Variants in DIAPH3 observed in about 807,000 individuals in gnomAD.
The protein encoded by DIAPH3 is protein diaphanous homolog 3.
Under a neutral mutation model 144.3 loss-of-function variants are expected in DIAPH3, and 117 were observed. The observed-to-expected ratio is 0.81, with a 90% CI of 0.70 to 0.95. The LOEUF (loss-of-function observed/expected upper bound fraction) is 0.95. DIAPH3 is among the 40% of genes least tolerant of loss of function. DIAPH3 has a pLI of 0.00. For missense variants in DIAPH3, 1,421 were observed against 1,412.7 expected, an observed-to-expected ratio of 1.01 and a Z score of -0.09; for synonymous variants, 519 against 488.9, an observed-to-expected ratio of 1.06 and a Z score of -0.81.
chr13:59,906,660 A>T (rs2046757250), intron 20 of DIAPH3, among the ~76,000 whole-genome samples: 2 of 152,218 alleles, frequency 1.3e-5, no homozygotes, highest in African/African-American at 4.8e-5. Context: ...GCACACAAAC[A>T]GGACATTTGT....
chr13:59,811,363 G>A (rs1566346358), intron 24 of DIAPH3, among the ~76,000 whole-genome samples: 3 of 152,092 alleles, frequency 2.0e-5, no homozygotes. Flanking sequence ...TAAAAGAAGT[G>A]AAATCTTGTA....
chr13:59,913,820 TG>T (rs1430756500), intron 19 of DIAPH3, among the ~76,000 whole-genome samples: 1 of 151,230 alleles, frequency 6.6e-6, no homozygotes, highest in Non-Finnish European at 1.5e-5. Flanking sequence ...TAGCTGGGAG[TG>T]GTGGCGGGTG....
At chr13:59,816,072 A>AT (rs1166908678) in intron 24 of DIAPH3, among the ~76,000 whole-genome samples, 1 of 151,794 alleles carries the variant, frequency 6.6e-6, no homozygotes, top group African/African-American at 2.4e-5. Flanking sequence ...AAATTTCACA[A>AT]TTTTTTTTCC....
At chr13:59,977,319 G>T (rs1397173029) in intron 14 of DIAPH3, among the ~76,000 whole-genome samples, 1 of 151,808 alleles carries the variant, frequency 6.6e-6, no homozygotes, top group Non-Finnish European at 1.5e-5. Flanking sequence ...GCATTTCAGC[G>T]TGTGGATGAA....
chr13:59,842,188 T>TTA lies in DIAPH3; in HGVS notation c.2738-2742_2738-2741dup, dbSNP rs531909506. 6.1e-3 allele frequency among the ~76,000 whole-genome samples: 930 copies of TTA among 151,834 alleles called. 13 individuals carry two copies. Among genetic ancestry groups the TTA allele is most frequent in the African/African-American group, 0.022 (893 of 41,460 alleles). ...TCTGGATGGACGGGTGAGTGTGCAG[T>TTA]TATATATATATAACTTTTTATATAT... On this transcript the variant is annotated intron_variant, in intron 22 of 27. Coordinates refer to ENST00000400324, the MANE Select transcript of DIAPH3 (RefSeq NM_001042517.2).
chr13:59,807,146 G>A (rs1036752847), intron 25 of DIAPH3, among the ~76,000 whole-genome samples: 2 of 151,842 alleles, frequency 1.3e-5, no homozygotes, highest in Non-Finnish European at 2.9e-5. Flanking sequence ...GGTAATAAGA[G>A]TTACTGTAAG....
At chr13:59,838,382 G>A (rs1206887292) in intron 23 of DIAPH3, 2 of 151,916 alleles carry the variant, frequency 1.3e-5, no homozygotes. Flanking sequence ...CAAGCCTCAT[G>A]CTATTAATTA....
At chr13:60,095,396 T>A (rs1270624806) in intron 3 of DIAPH3, among the ~76,000 whole-genome samples, 1 of 152,142 alleles carries the variant, frequency 6.6e-6, no homozygotes, top group East Asian at 1.9e-4. Context: ...GTAATTATAC[T>A]CACTTAAACT....
chr13:59,831,876 C>T (rs1408683688), intron 24 of DIAPH3, among the ~76,000 whole-genome samples: 1 of 151,770 alleles, frequency 6.6e-6, no homozygotes, highest in Non-Finnish European at 1.5e-5. Flanking sequence ...CTATGATAAA[C>T]ATTAAATATA....
At chr13:60,143,581 T>C (rs1045719415) in intron 1 of DIAPH3, among the ~76,000 whole-genome samples, 2 of 152,188 alleles carry the variant, frequency 1.3e-5, no homozygotes, top group Non-Finnish European at 2.9e-5. Flanking sequence ...AGCTCACTCA[T>C]TCTCAAGGAT....
At chr13:59,739,740 C>A (rs185381766) in intron 27 of DIAPH3, among the ~76,000 whole-genome samples, 1 of 151,960 alleles carries the variant, frequency 6.6e-6, no homozygotes, top group African/African-American at 2.4e-5. Flanking sequence ...TTTATCACAG[C>A]GCTACAGAGA....
rs75202401 is a variant in DIAPH3, at chr13:60,140,190, T to C, written c.181-7201A>G. 1.7e-4 allele frequency among the ~76,000 whole-genome samples: 26 copies of C among 152,344 alleles called. 1 individual carries two copies. The East Asian group carries it at 5.0e-3, about 29-fold the overall frequency. Reference sequence around the variant, plus strand: ...CCTGAGACTGACAGAGCATCACCCATTCTTTCACATATATTTGAGAAAGAT... The same window carrying C: ...CCTGAGACTGACAGAGCATCACCCACTCTTTCACATATATTTGAGAAAGAT... On this transcript the variant is annotated intron_variant, in intron 1 of 27. Coordinates refer to ENST00000400324, the MANE Select transcript of DIAPH3 (RefSeq NM_001042517.2).
At chr13:59,982,895 C>T (rs571527616) in intron 13 of DIAPH3, among the ~76,000 whole-genome samples, 2 of 151,564 alleles carry the variant, frequency 1.3e-5, no homozygotes, top group African/African-American at 2.4e-5. Context: ...AGGTTAATAA[C>T]ACCAGTGACA....
At chr13:60,110,339 G>C (rs2058533511) in intron 3 of DIAPH3, among the ~76,000 whole-genome samples, 1 of 152,156 alleles carries the variant, frequency 6.6e-6, no homozygotes, top group Non-Finnish European at 1.5e-5. Context: ...ATTCAATGTT[G>C]CTTTCTCAAG....
intron 20 of DIAPH3, among the ~76,000 whole-genome samples, chr13:59,909,245 T>A (rs944528402): frequency 6.6e-6 from 1 of 152,048 alleles, no homozygotes; most frequent in African/African-American, 2.4e-5. Flanking sequence ...TGAAAACACA[T>A]CATTCTTTAG....
intron 23 of DIAPH3, among the ~76,000 whole-genome samples, chr13:59,837,083 T>C (rs1446477513): frequency 6.6e-6 from 1 of 152,012 alleles, no homozygotes; most frequent in Admixed American, 6.6e-5. Flanking sequence ...ACGAGTGCAA[T>C]CTAATCTCAG....
At chr13:59,879,129 G>C in intron 21 of DIAPH3, 100 bp downstream of exon 21, 6 of 1,517,048 alleles carry the variant, frequency 4.0e-6, no homozygotes, top group Non-Finnish European at 5.4e-6. Flanking sequence ...TCTTGATAAT[G>C]AGCACATCAA....
chr13:60,137,766 C>T (rs2059326060), intron 1 of DIAPH3, among the ~76,000 whole-genome samples: 2 of 127,670 alleles, frequency 1.6e-5, no homozygotes, highest in Admixed American at 1.7e-4. Flanking sequence ...TTTTTTTAGA[C>T]ACAGTCTTGC....
At chr13:60,024,317 T>C (rs1019719825) in intron 5 of DIAPH3, among the ~76,000 whole-genome samples, 38 of 152,208 alleles carry the variant, frequency 2.5e-4, no homozygotes, top group African/African-American at 8.9e-4. Context: ...CCAGACTATA[T>C]ACTTTCTATC....
Sources: gnomAD v4.1 joint callset for allele counts (sites outside exome capture counted in the v4.1 genomes callset) on GRCh38, gnomAD v4.1.1 for gene constraint, MANE v1.5 for transcripts, NCBI Gene and HGNC (gene_info 2026-07-23, HGNC 2026-07-21) for gene names.